The following ANK2 variants were observed in gnomAD, a reference collection of about 807,000 sequenced individuals.
ANK2 encodes ankyrin 2.
In ANK2, 83 loss-of-function variants were observed where a neutral mutation model predicts 360.5. The ratio of observed to expected loss-of-function variants is 0.23; its 90% CI spans 0.19 to 0.28. The LOEUF is 0.28. ANK2 is among the 10% of genes least tolerant of loss of function. The probability of loss-of-function intolerance (pLI) is 1.00; values close to 1 mark genes in which losing one functional copy is unlikely to be tolerated. For synonymous variants in ANK2, 1,740 were observed against 1,759.5 expected (o/e 0.99, Z 0.28); for missense variants, 4,201 against 4,795.7 (o/e 0.88, Z 3.66).
At chr4:113,215,857 T>TTC (rs2099079680) in intron 4 of ANK2, among the ~76,000 whole-genome samples, 1 of 152,180 alleles carries the variant, frequency 6.6e-6, no homozygotes, top group South Asian at 2.1e-4. Context: ...TCTACAATTT[T>TTC]TCTATCTTCT....
chr4:112,721,148 G>A, the ANK2 span, among the ~76,000 whole-genome samples: 1 of 152,186 alleles, frequency 6.6e-6, no homozygotes, highest in African/African-American at 2.4e-5. Flanking sequence ...GAAGGGGAGG[G>A]ACAGAGATGG....
chr4:113,294,382 A>T (rs1176557055), intron 22 of ANK2, among the ~76,000 whole-genome samples: 2 of 152,236 alleles, frequency 1.3e-5, no homozygotes, highest in Non-Finnish European at 2.9e-5. Flanking sequence ...TTAGCTTCGT[A>T]AAGTAGAAAA....
chr4:112,750,275 C>T, the ANK2 span, among the ~76,000 whole-genome samples: 1 of 152,058 alleles, frequency 6.6e-6, no homozygotes, highest in South Asian at 2.1e-4. Context: ...TCACGAGAAT[C>T]GCTTGAATCT....
upstream of ANK2, among the ~76,000 whole-genome samples, chr4:113,048,276 ATTTTTTTTT>A (rs1165941601): frequency 1.9e-3 from 74 of 39,570 alleles, no homozygotes; most frequent in African/African-American, 3.9e-3. Context: ...ATATATATAT[ATTTTTTTTT>A]TTTTTTTTTT....
chr4:113,137,642 TTTCCTTC>T (rs1274600373), intron 1 of ANK2, among the ~76,000 whole-genome samples: 5 of 152,360 alleles, frequency 3.3e-5, no homozygotes, highest in African/African-American at 7.2e-5. Flanking sequence ...CTTCTTCCTC[TTTCCTTC>T]TTCCTTCTTC....
At chr4:112,862,871 A>G (rs750735142) in intron 1 of ANK2, among the ~76,000 whole-genome samples, 1 of 152,082 alleles carries the variant, frequency 6.6e-6, no homozygotes, top group African/African-American at 2.4e-5. Context: ...GTAACATAGC[A>G]AGACTCTCTC....
the ANK2 span, among the ~76,000 whole-genome samples, chr4:112,746,344 T>A: frequency 1.3e-5 from 2 of 151,936 alleles, no homozygotes; most frequent in Non-Finnish European, 2.9e-5. Context: ...CAAATGTTGT[T>A]TGGATTGTGG....
At chr4:112,781,464 G>C in the ANK2 span, among the ~76,000 whole-genome samples, 1 of 151,776 alleles carries the variant, frequency 6.6e-6, no homozygotes, top group Non-Finnish European at 1.5e-5. Flanking sequence ...AACTAATCGT[G>C]TTTTATATAT....
chr4:112,989,975 A>T (rs550645019), intron 2 of ANK2, among the ~76,000 whole-genome samples: 1 of 152,226 alleles, frequency 6.6e-6, no homozygotes, highest in Non-Finnish European at 1.5e-5. Flanking sequence ...TTTTTAAAAA[A>T]TAATTCAGGT....
intron 45 of ANK2, among the ~76,000 whole-genome samples, chr4:113,380,438 A>T (rs112502375): frequency 0.051 from 7,823 of 152,276 alleles, 330 homozygotes; most frequent in African/African-American, 0.11. Flanking sequence ...AGGTGGACAG[A>T]TCATCTGAGC....
Position 113,274,603 on chromosome 4 carries a change from C to T in ANK2, c.1637C>T (p.Ala546Val), listed in dbSNP as rs746713054. The T allele has an allele frequency of 6.2e-7, 1 of 1,614,174 alleles. No individual in the cohort carries two copies. Among genetic ancestry groups the T allele is most frequent in the Non-Finnish European group, 8.5e-7 (1 of 1,180,032 alleles). ...ISAREGQVDV[A>V]SVLLEAGAAH... ...GCCCGGGAGGGCCAGGTGGATGTGG[C>T]ATCAGTCCTATTGGAAGCAGGAGCA... Residue 546 changes from alanine to valine, a missense_variant, in exon 15 of 46, where the codon GCA becomes GTA. Ala to Val is a moderately conservative substitution (Grantham distance 64). Coordinates refer to ENST00000357077, the MANE Select transcript of ANK2 (RefSeq NM_001148.6).
At chr4:113,227,263 A>T (rs2099235498) in intron 4 of ANK2, among the ~76,000 whole-genome samples, 1 of 152,220 alleles carries the variant, frequency 6.6e-6, no homozygotes, top group Non-Finnish European at 1.5e-5. Context: ...TGTAACAATA[A>T]ACAATGCTCC....
intron 1 of ANK2, among the ~76,000 whole-genome samples, chr4:113,149,594 G>T (rs1026909032): frequency 2.6e-5 from 4 of 151,894 alleles, no homozygotes; most frequent in Non-Finnish European, 4.4e-5. Flanking sequence ...AAAGATAAAG[G>T]CCTGGCATGG....
chr4:113,134,281 C>CTTTTTTTT (rs5861124), intron 1 of ANK2, among the ~76,000 whole-genome samples: 1 of 86,116 alleles, frequency 1.2e-5, no homozygotes, highest in Non-Finnish European at 2.2e-5. Context: ...TGAAAGTTGT[C>CTTTTTTTT]TTTTTTTTTT....
chr4:113,062,847 A>G (rs542780553), intron 1 of ANK2, among the ~76,000 whole-genome samples: 1 of 152,166 alleles, frequency 6.6e-6, no homozygotes, highest in African/African-American at 2.4e-5. Context: ...TGTAGCTCTG[A>G]TATTTGATAA....
the ANK2 span, among the ~76,000 whole-genome samples, chr4:112,796,278 C>G: frequency 5.3e-4 from 81 of 152,068 alleles, no homozygotes; most frequent in African/African-American, 1.7e-3. Flanking sequence ...ACAGAACTAG[C>G]CAGATGTGGT....
intron 1 of ANK2, among the ~76,000 whole-genome samples, chr4:113,067,260 A>G (rs985615731): frequency 2.0e-5 from 3 of 152,140 alleles, no homozygotes; most frequent in African/African-American, 7.2e-5. Context: ...CAGTATGTGT[A>G]GGAAGAATAG....
At chr4:113,234,116 G>A (rs1298582209) in intron 5 of ANK2, among the ~76,000 whole-genome samples, 2 of 152,196 alleles carry the variant, frequency 1.3e-5, no homozygotes, top group African/African-American at 2.4e-5. Flanking sequence ...ATAGACTTAA[G>A]GTTTCTAGTG....
chr4:113,160,203 G>A (rs190944604), intron 1 of ANK2: 1 of 262,658 alleles, frequency 3.8e-6, no homozygotes, highest in African/African-American at 2.3e-5. Flanking sequence ...TTTTATTGTG[G>A]ATATTTGATA....
Sources: allele counts gnomAD v4.1 joint callset (sites outside exome capture counted in the v4.1 genomes callset), GRCh38; gene constraint gnomAD v4.1.1; transcripts MANE v1.5; gene names NCBI Gene and HGNC (gene_info 2026-07-23, HGNC 2026-07-21).